The following DOCK1 variants were observed in gnomAD, a reference collection of about 807,000 sequenced individuals.
DOCK1 encodes dedicator of cytokinesis 1.
DOCK1 carries 138 observed loss-of-function variants against 262.7 expected under a neutral mutation model. The observed-to-expected ratio is 0.53, with a 90% CI of 0.46 to 0.61. DOCK1 has a LOEUF of 0.61. DOCK1 is among the 20% of genes least tolerant of loss of function. The probability of loss-of-function intolerance (pLI) is 0.00; values close to 1 mark genes in which losing one functional copy is unlikely to be tolerated. For missense variants in DOCK1, 1,908 were observed against 2,370.7 expected, an observed-to-expected ratio of 0.80 and a Z score of 4.05; for synonymous variants, 866 against 867.4, an observed-to-expected ratio of 1.00 and a Z score of 0.03.
chr10:127,257,398 G>T lies in DOCK1; in HGVS notation c.3013G>T (p.Asp1005Tyr), dbSNP rs1247285295. ...NLIGKNVYPF[D>Y]WVIMNMVQNK... ...CATTGGAAAGAACGTTTACCCCTTC[G>T]ACTGGGTGATCATGAACATGGTGCA... Residue 1005 changes from aspartate (D) to tyrosine (Y), a missense_variant, in exon 29 of 52, where the codon GAC (aspartate) becomes TAC (tyrosine). Asp to Tyr is a radical substitution (Grantham distance 160, BLOSUM62 -3). This residue lies in a region of DOCK1 where 518 missense variants were observed against 575.1 expected (regional missense o/e 0.90). Coordinates refer to ENST00000623213, the MANE Select transcript of DOCK1 (RefSeq NM_001290223.2). 6.2e-7 allele frequency: 1 copy of T among 1,607,178 alleles called. No homozygotes were observed. The highest frequency in any genetic ancestry group is 1.1e-5 in the South Asian group (1 of 89,348).
intron 23 of DOCK1, among the ~76,000 whole-genome samples, chr10:127,064,031 C>G (rs942172674): frequency 6.6e-6 from 1 of 152,228 alleles, no homozygotes; most frequent in Non-Finnish European, 1.5e-5. Flanking sequence ...TCGTGGGAGC[C>G]TGACTTTTGT....
At chr10:127,049,776 G>A (rs1048506464) in intron 21 of DOCK1, among the ~76,000 whole-genome samples, 9 of 151,768 alleles carry the variant, frequency 5.9e-5, no homozygotes, top group East Asian at 3.9e-4. Flanking sequence ...CTAAAATACC[G>A]AAATAATATT....
intron 23 of DOCK1, among the ~76,000 whole-genome samples, chr10:127,075,638 C>T (rs2046481958): frequency 6.6e-6 from 1 of 152,132 alleles, no homozygotes; most frequent in Non-Finnish European, 1.5e-5. Context: ...AAGCAAGGAC[C>T]TTCTTCACAT....
At chr10:127,331,444 G>C (rs1343779470) in intron 29 of DOCK1, among the ~76,000 whole-genome samples, 1 of 152,066 alleles carries the variant, frequency 6.6e-6, no homozygotes, top group African/African-American at 2.4e-5. Flanking sequence ...ACCATGCCCG[G>C]GTAATTTTTG....
rs776854636 is a variant in DOCK1, at chr10:127,018,669, T to C, written c.1202-41T>C. The C allele has an allele frequency of 3.7e-6, 6 of 1,612,428 alleles. No homozygotes were observed. In the East Asian group the frequency reaches 8.9e-5, roughly 24 times the overall value. ...TTTCGTGAAAACTTCTAAAAATGCA[T>C]AGGATAAAATGCGACTTAAGAGCAT... On this transcript the variant is annotated intron_variant, in intron 12 of 51. Coordinates refer to ENST00000623213, the MANE Select transcript of DOCK1 (RefSeq NM_001290223.2).
chr10:127,363,468 CTAAATAAA>C (rs760030038), intron 33 of DOCK1, among the ~76,000 whole-genome samples: 4 of 151,874 alleles, frequency 2.6e-5, no homozygotes, highest in Non-Finnish European at 4.4e-5. Flanking sequence ...GACCCTGTCT[CTAAATAAA>C]TAAATAAATA....
rs769437313 is a variant in DOCK1 at position 127,418,471 on chromosome 10, A to G, written c.4622A>G (p.Asn1541Ser). Residue 1541 changes from asparagine to serine, a missense_variant, in exon 45 of 52, where the codon AAC (asparagine) becomes AGC (serine). This residue lies in a region of DOCK1 where 57 missense variants were observed against 103.1 expected (regional missense o/e 0.55). Coordinates refer to ENST00000623213, the MANE Select transcript of DOCK1 (RefSeq NM_001290223.2). ...CTGGATGACCCCAGCCTGCCCATCA[A>G]CCCGCTCTCCATGCTCCTGAACGGC... ...QHLDDPSLPI[N>S]PLSMLLNGIV... The G allele has an allele frequency of 5.6e-6, 9 of 1,613,950 alleles. No homozygotes were observed. The highest frequency in any genetic ancestry group is 6.8e-6 in the Non-Finnish European group (8 of 1,179,980).
chr10:127,287,207 T>C (rs1400316203), intron 29 of DOCK1, among the ~76,000 whole-genome samples: 2 of 97,128 alleles, frequency 2.1e-5, no homozygotes, highest in Non-Finnish European at 4.0e-5. Flanking sequence ...GCGCCTGGCC[T>C]TTTTTTTTTT....
At chr10:127,065,043 T>A (rs889041902) in intron 23 of DOCK1, among the ~76,000 whole-genome samples, 1 of 152,114 alleles carries the variant, frequency 6.6e-6, no homozygotes, top group Non-Finnish European at 1.5e-5. Context: ...GGAGACTCGC[T>A]CAGTCTCCCA....
At chr10:127,073,033 G>T in intron 23 of DOCK1, among the ~76,000 whole-genome samples, 1 of 152,318 alleles carries the variant, frequency 6.6e-6, no homozygotes, top group East Asian at 1.9e-4. Flanking sequence ...ACGCTCATCT[G>T]CACTTCACTT....
At chr10:127,337,101 GA>G (rs796816666) in intron 29 of DOCK1, among the ~76,000 whole-genome samples, 10 of 152,026 alleles carry the variant, frequency 6.6e-5, no homozygotes, top group Admixed American at 3.3e-4. Context: ...AAATTAAGGG[GA>G]AAAAAAATTG....
intron 22 of DOCK1, among the ~76,000 whole-genome samples, chr10:127,058,674 T>G (rs1196725157): frequency 1.3e-5 from 2 of 151,172 alleles, no homozygotes; most frequent in African/African-American, 4.9e-5. Context: ...ATTCTTTTAC[T>G]ATTATTTTTA....
intron 29 of DOCK1, among the ~76,000 whole-genome samples, chr10:127,272,552 G>A (rs77989822): frequency 2.0e-5 from 3 of 152,204 alleles, no homozygotes; most frequent in Non-Finnish European, 4.4e-5. Flanking sequence ...TTCTCAACAT[G>A]CAATCTATTT....
intron 29 of DOCK1, among the ~76,000 whole-genome samples, chr10:127,273,781 C>G (rs942040463): frequency 6.6e-6 from 1 of 151,656 alleles, no homozygotes; most frequent in African/African-American, 2.4e-5. Context: ...ACTTGGGAGG[C>G]TGAGACAGGA....
In DOCK1 at chr10:127,125,414, C is replaced by A. The variant is rs1226604928; in HGVS notation, c.2624-60C>A. Reference sequence around the variant, plus strand: ...CTTGAAAGGGCAGACAAGCTTATAGCAAACACGAGTTGCGTCTTGGTGGGT... The same window carrying A: ...CTTGAAAGGGCAGACAAGCTTATAGAAAACACGAGTTGCGTCTTGGTGGGT... On this transcript the variant is annotated intron_variant, in intron 25 of 51. Transcript: ENST00000623213. 3.7e-6 allele frequency: 6 copies of A among 1,602,704 alleles called. No individual in the cohort carries two copies. The African/African-American group carries it at 8.0e-5, about 21-fold the overall frequency.
intron 43 of DOCK1, among the ~76,000 whole-genome samples, chr10:127,413,241 C>G (rs952821982): frequency 1.3e-5 from 2 of 152,176 alleles, no homozygotes; most frequent in African/African-American, 4.8e-5. Flanking sequence ...CAGTTGGGTG[C>G]AGAGCTAAGA....
chr10:127,381,872 A>G (rs561706485), intron 37 of DOCK1, among the ~76,000 whole-genome samples: 23 of 152,278 alleles, frequency 1.5e-4, no homozygotes, highest in Non-Finnish European at 3.1e-4. Context: ...TCCTAGCACA[A>G]GTCTGGCATG....
At chr10:127,043,557 C>G (rs766148773) in intron 21 of DOCK1, among the ~76,000 whole-genome samples, 1 of 152,204 alleles carries the variant, frequency 6.6e-6, no homozygotes, top group Non-Finnish European at 1.5e-5. Flanking sequence ...GAATTAGATG[C>G]AGTTTTGTAC....
At position 127,439,046 on chromosome 10, in the gene DOCK1, C is replaced by T. The variant is rs2069890523; in HGVS notation, c.5080C>T (p.Leu1694=). ...CTTTAGGTTTGCCCTGGAGCCTCTC[C>T]TGCCAAAGAAAATGCACTCCAGGTC... ...GSDGFALEPL[L]PKKMHSRSQD... The change falls in exon 49 of 52, where the codon CTG becomes TTG. Residue 1694 remains leucine, a synonymous_variant. Coordinates refer to ENST00000623213, the MANE Select transcript of DOCK1 (RefSeq NM_001290223.2). 1 of 1,552,264 alleles carries T rather than the reference C, an allele frequency of 6.4e-7. No individual in the cohort carries two copies. Among genetic ancestry groups the T allele is most frequent in the South Asian group, 1.2e-5 (1 of 84,026 alleles).
Sources: gnomAD v4.1 joint callset for allele counts (sites outside exome capture counted in the v4.1 genomes callset) on GRCh38, gnomAD v4.1.1 for gene constraint, gnomAD v4.1.1 regional missense constraint, MANE v1.5 for transcripts, NCBI Gene and HGNC (gene_info 2026-07-23, HGNC 2026-07-21) for gene names.